The following MPST variants were observed in gnomAD, a reference collection of about 807,000 sequenced individuals.
MPST encodes the protein mercaptopyruvate sulfurtransferase.
A neutral mutation model predicts 28.5 loss-of-function variants in MPST; 27 were observed. The ratio of observed to expected loss-of-function variants is 0.95; its 90% CI spans 0.70 to 1.31. The LOEUF (loss-of-function observed/expected upper bound fraction) is 1.31. MPST is among the 50% of genes most tolerant of loss of function. MPST has a pLI of 0.00. For missense variants in MPST, 492 were observed against 471.1 expected, an observed-to-expected ratio of 1.04 and a Z score of -0.41; for synonymous variants, 204 against 209.3, an observed-to-expected ratio of 0.97 and a Z score of 0.22.
intron 1 of MPST, among the ~76,000 whole-genome samples, chr22:37,021,133 G>A (rs1007826859): frequency 2.0e-5 from 3 of 152,162 alleles, no homozygotes; most frequent in Non-Finnish European, 4.4e-5. Flanking sequence ...TGCGGCTCAC[G>A]CTTGCTTCAG....
intron 1 of MPST, among the ~76,000 whole-genome samples, chr22:37,020,897 G>A (rs1376322085): frequency 1.3e-5 from 2 of 152,142 alleles, no homozygotes; most frequent in Non-Finnish European, 2.9e-5. Context: ...GGGCTCAAGT[G>A]ATCTGCCCAT....
In MPST at chr22:37,024,194, C is replaced by A; in HGVS notation, c.39C>A (p.Ala13=). The change falls in exon 2 of 3, where the codon GCC becomes GCA. Residue 13 remains alanine (A), a splice_region_variant and synonymous_variant. Coordinates refer to ENST00000429360, the MANE Select transcript of MPST (RefSeq NM_021126.8). ...CTGACATCCTCCCTGTCGCCCAGGCCCGCAGCCCGAGTGTCGCCGCCATGG... is the reference window on the plus strand; with the variant it reads ...CTGACATCCTCCCTGTCGCCCAGGCACGCAGCCCGAGTGTCGCCGCCATGG... ...EPGSRESETR[A]RSPSVAAMAS... The A allele has an allele frequency of 7.3e-7, 1 of 1,377,046 alleles. No homozygotes were observed. The highest frequency in any genetic ancestry group is 9.3e-7 in the Non-Finnish European group (1 of 1,073,202). The allele number at this position is 1,377,046 out of a possible 1,614,324, so 85.3% of individuals were successfully genotyped here.
chr22:37,025,206 C>T (rs1923435385), intron 2 of MPST: 4 of 1,221,146 alleles, frequency 3.3e-6, no homozygotes, highest in African/African-American at 3.1e-5. Context: ...CCCTTCCCCT[C>T]CTGTGCTTTG....
chr22:37,020,182 C>G (rs918319388), intron 1 of MPST: 1 of 340,932 alleles, frequency 2.9e-6, no homozygotes, highest in Non-Finnish European at 5.3e-6. Context: ...CAGGAAGAGA[C>G]ACTAGCCAAT....
chr22:37,024,552 G>T lies in MPST; in HGVS notation c.397G>T (p.Val133Phe). ...CCAGGGCCTCTACTCCGCCCCGCGC[G>T]TCTGGTGGATGTTCCGCGCCTTCGG... ...SDQGLYSAPR[V>F]WWMFRAFGHH... The change falls in exon 2 of 3, where the codon GTC becomes TTC. Residue 133 changes from valine to phenylalanine, a missense_variant. Transcript: ENST00000429360. 1 of 1,578,652 alleles carries T rather than the reference G, an allele frequency of 6.3e-7. No individual in the cohort carries two copies.
At chr22:37,025,599 G>A (rs1923464384) in intron 2 of MPST, 1 of 158,044 alleles carries the variant, frequency 6.3e-6, no homozygotes, top group Non-Finnish European at 1.4e-5. Flanking sequence ...GGTCACGCTA[G>A]TGTGAGTCTT....
At position 37,024,455 on chromosome 22, in the gene MPST, G is replaced by A. The variant is rs1362751984; in HGVS notation, c.300G>A (p.Glu100=). The A allele has an allele frequency of 6.5e-7, 1 of 1,550,232 alleles. No individual in the cohort carries two copies. The change falls in exon 2 of 3, where the codon GAG becomes GAA. Residue 100 remains glutamate (E), a synonymous_variant. Transcript: ENST00000429360. ...SPYDHMLPGA[E]HFAEYAGRLG... is the part of the protein sequence containing the mutation. ...ACGACCACATGCTGCCCGGGGCCGA[G>A]CATTTCGCGGAGTACGCAGGCCGCC... is the stretch of plus-strand genomic sequence containing the variant.
At position 37,019,822 on chromosome 22, in the gene MPST, C is replaced by T. The variant is rs1348203489; in HGVS notation, c.-15C>T. The T allele has an allele frequency of 8.4e-7, 1 of 1,193,134 alleles. No individual in the cohort carries two copies. The highest frequency in any genetic ancestry group is 1.1e-6 in the Non-Finnish European group (1 of 952,042). The allele number at this position is 1,193,134 out of a possible 1,614,324, so 73.9% of individuals were successfully genotyped here. Reference sequence around the variant, plus strand: ...AGCTGCGGGCGCGGGGAGGGGGCGCCGCGCCGCGGGGGCCATGGCGGAGCC... The same window carrying T: ...AGCTGCGGGCGCGGGGAGGGGGCGCTGCGCCGCGGGGGCCATGGCGGAGCC... On this transcript the variant is annotated 5_prime_UTR_variant, in exon 1 of 3. Transcript: ENST00000429360.
intron 2 of MPST, chr22:37,025,291 G>A (rs115117852): frequency 2.6e-4 from 152 of 587,580 alleles, no homozygotes; most frequent in African/African-American, 2.5e-3. Flanking sequence ...GAGGTGTGGG[G>A]GGTCACTGTG....
Position 37,024,724 on chromosome 22 carries a change from A to T in MPST, c.569A>T (p.Lys190Met). The change falls in exon 2 of 3, where the codon AAG becomes ATG. Residue 190 changes from lysine (K) to methionine (M), a missense_variant. Physicochemically the swap from Lys to Met is moderately conservative, Grantham distance 95. Coordinates refer to ENST00000429360, the MANE Select transcript of MPST (RefSeq NM_021126.8). Reference protein sequence around the residue: ...PAFIKTYEDIKENLESRRFQV... With the variant: ...PAFIKTYEDIMENLESRRFQV... Reference sequence around the variant, plus strand: ...TTCATCAAGACCTACGAGGACATCAAGGAGAACCTGGAATCCCGGCGCTTC... The same window carrying T: ...TTCATCAAGACCTACGAGGACATCATGGAGAACCTGGAATCCCGGCGCTTC... The T allele has an allele frequency of 6.2e-7, 1 of 1,600,618 alleles. No homozygotes were observed. The highest frequency in any genetic ancestry group is 8.5e-7 in the Non-Finnish European group (1 of 1,179,794).
chr22:37,020,373 G>C (rs935320737), intron 1 of MPST, among the ~76,000 whole-genome samples: 12 of 152,116 alleles, frequency 7.9e-5, no homozygotes, highest in South Asian at 6.2e-4. Context: ...AGTTGAGGCC[G>C]GGCCTGATCC....
Position 37,024,788 on chromosome 22 carries a change from C to G in MPST, c.633C>G (p.Gly211=), listed in dbSNP as rs767350405. 1.9e-6 allele frequency: 3 copies of G among 1,602,736 alleles called. No individual in the cohort carries two copies. The highest frequency in any genetic ancestry group is 1.7e-6 in the Non-Finnish European group (2 of 1,179,566). ...VDSRATGRFR[G]TEPEPRDGIE... ...CCCGAGCCACTGGCAGGTTCCGCGG[C>G]ACCGAGCCCGAGCCCCGAGACGGTA... is the stretch of plus-strand genomic sequence containing the variant. Residue 211 remains glycine, a synonymous_variant, in exon 2 of 3, where the codon GGC becomes GGG. Transcript: ENST00000429360.
In MPST at chr22:37,024,822, G is replaced by A. The variant is rs768738064; in HGVS notation, c.655+12G>A. On this transcript the variant is annotated intron_variant, in intron 2 of 2. Transcript: ENST00000429360. ...CGAGCCCCGAGACGGTAACGCGGGG[G>A]AAGGGGGCAGGAGGTCGTCGGGGGC... 8 of 1,604,236 alleles carry A rather than the reference G, an allele frequency of 5.0e-6. No individual in the cohort carries two copies. The highest frequency in any genetic ancestry group is 1.7e-4 in the Middle Eastern group (1 of 6,054).
Position 37,019,835 on chromosome 22 carries a change from C to T in MPST, c.-2C>T. ...GGGAGGGGGCGCCGCGCCGCGGGGG[C>T]CATGGCGGAGCCAGGAAGCCGGGAG... On this transcript the variant is annotated 5_prime_UTR_variant, in exon 1 of 3. Transcript: ENST00000429360. 8.3e-7 allele frequency: 1 copy of T among 1,210,834 alleles called. No individual in the cohort carries two copies. Among genetic ancestry groups the T allele is most frequent in the Non-Finnish European group, 1.0e-6 (1 of 967,266 alleles). 75.0% of individuals were successfully genotyped at this position (1,210,834 alleles called of 1,614,324 possible). A position where few individuals can be genotyped will look rare whatever the true frequency, so the allele number is the denominator to read the frequency against.
chr22:37,020,932 T>C (rs997540693), intron 1 of MPST, among the ~76,000 whole-genome samples: 3 of 151,946 alleles, frequency 2.0e-5, no homozygotes, highest in Admixed American at 6.6e-5. Context: ...GTGCTGAGAT[T>C]ACAGGCATGA....
intron 1 of MPST, chr22:37,020,105 T>C: frequency 2.8e-6 from 1 of 362,496 alleles, no homozygotes. Flanking sequence ...GGTGACCTGG[T>C]GGCACCAGAG....
chr22:37,023,117 GCCCAGGCTGGACAGGCAAAACCTGGC>G (rs1923193817), intron 1 of MPST: 1 of 152,762 alleles, frequency 6.5e-6, no homozygotes, highest in African/African-American at 2.4e-5. Flanking sequence ...GCCAGAGAGA[GCCCAGGCTGGACAGGCAAAACCTGGC>G]CTCGCCAGAC....
intron 2 of MPST, chr22:37,025,547 G>T: frequency 5.6e-6 from 1 of 177,000 alleles, no homozygotes; most frequent in Non-Finnish European, 1.2e-5. Flanking sequence ...GGTAAGCTCT[G>T]TATAATGCGA....
In MPST at chr22:37,029,401, G is replaced by T; in HGVS notation, c.841G>T (p.Ala281Ser). 6 of 1,613,918 alleles carry T rather than the reference G, an allele frequency of 3.7e-6. No homozygotes were observed. Among genetic ancestry groups the T allele is most frequent in the Non-Finnish European group, 5.1e-6 (6 of 1,180,026 alleles). Residue 281 changes from alanine (A) to serine (S), a missense_variant, in exon 3 of 3, where the codon GCC becomes TCC. By Grantham distance (99) the Ala-to-Ser change is moderately conservative. Coordinates refer to ENST00000429360, the MANE Select transcript of MPST (RefSeq NM_021126.8). ...GVTACHVALG[A>S]YLCGKPDVPI... ...CACAGCCTGCCACGTGGCACTAGGG[G>T]CCTACCTCTGCGGCAAGCCAGACGT...
Sources: allele counts gnomAD v4.1 joint callset (sites outside exome capture counted in the v4.1 genomes callset), GRCh38; gene constraint gnomAD v4.1.1; transcripts MANE v1.5; gene names NCBI Gene and HGNC (gene_info 2026-07-23, HGNC 2026-07-21).